The following DIP2C variants were observed in gnomAD, a reference collection of about 807,000 sequenced individuals.
DIP2C encodes DIP2 acetate--CoA ligase C (putative), also known as disco-interacting protein 2 homolog C.
A neutral mutation model predicts 192.4 loss-of-function variants in DIP2C; 33 were observed. That is an observed-to-expected ratio of 0.17 (90% CI 0.13 to 0.23). The LOEUF (loss-of-function observed/expected upper bound fraction) is 0.23, where lower values mean the gene tolerates loss of function less well. Ranked by LOEUF, DIP2C falls within the 10% of genes least tolerant of loss-of-function variation. The probability of loss-of-function intolerance (pLI) is 1.00; values close to 1 mark genes in which losing one functional copy is unlikely to be tolerated. For missense variants in DIP2C, 1,537 were observed against 2,110.1 expected, an observed-to-expected ratio of 0.73 and a Z score of 5.32; for synonymous variants, 979 against 864.1, an observed-to-expected ratio of 1.13 and a Z score of -2.33.
intron 1 of DIP2C, among the ~76,000 whole-genome samples, chr10:561,363 A>C (rs890403870): frequency 2.0e-5 from 3 of 152,290 alleles, no homozygotes; most frequent in Non-Finnish European, 4.4e-5. Context: ...GCAGACTGAG[A>C]GCCACTGGCA....
chr10:387,268 C>A (rs1963035993), intron 14 of DIP2C, among the ~76,000 whole-genome samples: 1 of 152,238 alleles, frequency 6.6e-6, no homozygotes, highest in South Asian at 2.1e-4. Context: ...GACCCTCACA[C>A]CAGTGGCTGC....
chr10:452,580 G>A (rs368453888), intron 3 of DIP2C, among the ~76,000 whole-genome samples: 34 of 152,270 alleles, frequency 2.2e-4, no homozygotes, highest in African/African-American at 6.0e-4. Flanking sequence ...CTACAATAGC[G>A]ATTAAATGGA....
chr10:583,757 A>G (rs1022765732), intron 1 of DIP2C, among the ~76,000 whole-genome samples: 2 of 152,216 alleles, frequency 1.3e-5, no homozygotes, highest in South Asian at 2.1e-4. Context: ...CAGGTATTAA[A>G]TGAGTTATCA....
intron 31 of DIP2C, among the ~76,000 whole-genome samples, chr10:314,434 C>T (rs1178273800): frequency 6.6e-6 from 1 of 152,182 alleles, no homozygotes; most frequent in East Asian, 1.9e-4. Context: ...AGTGCTCTTC[C>T]CTCCCCGGTC....
intron 32 of DIP2C, among the ~76,000 whole-genome samples, chr10:296,300 G>C (rs1182545637): frequency 6.6e-6 from 1 of 152,048 alleles, no homozygotes; most frequent in Non-Finnish European, 1.5e-5. Context: ...TTTTGTATAA[G>C]CTGTAATCAG....
chr10:474,624 C>A (rs548690188), intron 2 of DIP2C, among the ~76,000 whole-genome samples: 1 of 152,190 alleles, frequency 6.6e-6, no homozygotes, highest in Admixed American at 6.5e-5. Context: ...TCTCCACACT[C>A]CCGTGCTAAA....
rs766379689 is a variant in DIP2C at position 479,328 on chromosome 10, CTT to C, written c.158-6781_158-6780del. On this transcript the variant is annotated intron_variant, in intron 2 of 36. Transcript: ENST00000280886. ...CCTAACCCCATGAATTCTCACACTG[CTT>C]TTTTTTTTTTTTTTTTTTTTTTAAG... Among the ~76,000 whole-genome samples, 833 of 88,382 alleles carry C rather than the reference CTT, an allele frequency of 9.4e-3. 11 individuals carry two copies. Among genetic ancestry groups the C allele is most frequent in the African/African-American group, 0.033 (751 of 22,794 alleles). 58.0% of individuals were successfully genotyped at this position (88,382 alleles called of 152,430 possible).
intron 18 of DIP2C, among the ~76,000 whole-genome samples, chr10:367,155 C>G (rs891788914): frequency 2.6e-5 from 4 of 152,248 alleles, no homozygotes; most frequent in African/African-American, 9.6e-5. Context: ...CGGTGGCTCA[C>G]GCCTGTAATC....
chr10:537,834 C>A (rs924171036), intron 1 of DIP2C, among the ~76,000 whole-genome samples: 2 of 151,882 alleles, frequency 1.3e-5, no homozygotes, highest in East Asian at 3.9e-4. Flanking sequence ...CTCTGTAGTG[C>A]AGGCTGGAGT....
intron 1 of DIP2C, among the ~76,000 whole-genome samples, chr10:577,962 T>C (rs1036188906): frequency 6.6e-6 from 1 of 152,184 alleles, no homozygotes; most frequent in Non-Finnish European, 1.5e-5. Flanking sequence ...AATCAGATTA[T>C]TCTTGCAATC....
intron 1 of DIP2C, among the ~76,000 whole-genome samples, chr10:568,800 C>CAAAAAAAAAAAAAAAA (rs1554739052): frequency 3.2e-4 from 3 of 9,514 alleles, no homozygotes; most frequent in Non-Finnish European, 5.1e-4. Context: ...AAAAAAAAAC[C>CAAAAAAAAAAAAAAAA]TTCACTTGAT....
At chr10:473,678 C>G (rs528183005) in intron 2 of DIP2C, among the ~76,000 whole-genome samples, 2 of 152,362 alleles carry the variant, frequency 1.3e-5, no homozygotes, top group South Asian at 2.1e-4. Flanking sequence ...GTCGTCCCCA[C>G]AGTTCCATGA....
chr10:626,369 G>A (rs1854199326), intron 1 of DIP2C, among the ~76,000 whole-genome samples: 1 of 152,040 alleles, frequency 6.6e-6, no homozygotes, highest in Non-Finnish European at 1.5e-5. Context: ...GGGTGGGAGG[G>A]GCGGCAGCAT....
chr10:618,423 G>A (rs1240343845), intron 1 of DIP2C, among the ~76,000 whole-genome samples: 2 of 152,330 alleles, frequency 1.3e-5, no homozygotes, highest in East Asian at 1.9e-4. Context: ...CAGGCCCCTG[G>A]AGGAGCAAGC....
rs767575700 is a variant in DIP2C at position 413,914 on chromosome 10, G to A, written c.1056C>T (p.Tyr352=). 3.0e-5 allele frequency: 48 copies of A among 1,613,620 alleles called. No individual in the cohort carries two copies. Among genetic ancestry groups the A allele is most frequent in the African/African-American group, 8.0e-5 (6 of 75,060 alleles). ...GCAGAGAGTGAGCCTGGGGATTACC[G>A]TAAGTGAGGATGTAGAGGGGCTTCC... ...TNGKPLYILT[Y]GKLWTRSMKV... Residue 352 remains tyrosine, a splice_region_variant and synonymous_variant, in exon 8 of 37, where the codon TAC becomes TAT. Coordinates refer to ENST00000280886, the MANE Select transcript of DIP2C (RefSeq NM_014974.3).
At chr10:655,307 T>C (rs1164762548) in intron 1 of DIP2C, among the ~76,000 whole-genome samples, 1 of 152,208 alleles carries the variant, frequency 6.6e-6, no homozygotes, top group African/African-American at 2.4e-5. Context: ...CATGTGTCTG[T>C]TTCTTCCTGG....
At chr10:424,158 C>G (rs955184956) in intron 4 of DIP2C, among the ~76,000 whole-genome samples, 10 of 152,092 alleles carry the variant, frequency 6.6e-5, no homozygotes, top group African/African-American at 2.4e-4. Context: ...GTGAGCAGCT[C>G]CAGCCATCGG....
intron 1 of DIP2C, among the ~76,000 whole-genome samples, chr10:552,231 TG>T (rs1848629788): frequency 6.6e-6 from 1 of 152,218 alleles, no homozygotes; most frequent in African/African-American, 2.4e-5. Flanking sequence ...GAAAGCATCG[TG>T]AAGTTCCAGT....
chr10:644,487 G>A (rs1224595406), intron 1 of DIP2C, among the ~76,000 whole-genome samples: 1 of 152,280 alleles, frequency 6.6e-6, no homozygotes, highest in African/African-American at 2.4e-5. Flanking sequence ...CGTCCTGGGA[G>A]CGCGGCTTCT....
Sources: gnomAD v4.1 joint callset for allele counts (sites outside exome capture counted in the v4.1 genomes callset) on GRCh38, gnomAD v4.1.1 for gene constraint, MANE v1.5 for transcripts, NCBI Gene and HGNC (gene_info 2026-07-23, HGNC 2026-07-21) for gene names.